The following ATF7IP2 variants were observed in gnomAD, a reference collection of about 807,000 sequenced individuals.
The protein encoded by ATF7IP2 is activating transcription factor 7-interacting protein 2.
Under a neutral mutation model 64.2 loss-of-function variants are expected in ATF7IP2, and 42 were observed. The observed-to-expected ratio is 0.65, with a 90% confidence interval of 0.51 to 0.85. The LOEUF is 0.85. Among genes scored for constraint, ATF7IP2 ranks in the 40% least tolerant of loss-of-function variants. ATF7IP2 has a pLI of 0.00. For missense variants in ATF7IP2, 933 were observed against 784.2 expected (o/e 1.19, Z -2.27); for synonymous variants, 308 against 272.8 (o/e 1.13, Z -1.27).
intron 8 of ATF7IP2, among the ~76,000 whole-genome samples, chr16:10,444,173 A>G (rs2048724670): frequency 6.6e-6 from 1 of 152,240 alleles, no homozygotes; most frequent in African/African-American, 2.4e-5. Flanking sequence ...ATCAGGTTAC[A>G]TTGATAAAAT....
intron 1 of ATF7IP2, among the ~76,000 whole-genome samples, chr16:10,400,607 T>C (rs568349453): frequency 6.6e-5 from 10 of 152,216 alleles, no homozygotes; most frequent in Non-Finnish European, 5.9e-5. Context: ...CTTGATTTAG[T>C]ATGATTTTGG....
chr16:10,397,520 A>T (rs1433555824), intron 1 of ATF7IP2, among the ~76,000 whole-genome samples: 1 of 152,200 alleles, frequency 6.6e-6, no homozygotes, highest in Non-Finnish European at 1.5e-5. Context: ...CAAGAGTTTG[A>T]GGTTACAGTG....
At position 10,431,390 on chromosome 16, in the gene ATF7IP2, C is replaced by T. The variant is rs753285533; in HGVS notation, c.770C>T (p.Thr257Ile). The change falls in exon 5 of 14, where the codon ACC becomes ATC. Residue 257 changes from threonine (T) to isoleucine (I), a missense_variant. Coordinates refer to ENST00000562102, the MANE Select transcript of ATF7IP2 (RefSeq NM_001393719.1). ...DILKTDECSRTSISNCESADS... is the reference protein window; with the variant it reads ...DILKTDECSRISISNCESADS... ...TTGAAAACTGATGAGTGTAGTAGAA[C>T]CAGTATTTCAAATTGTGAAAGTGCA... is the stretch of plus-strand genomic sequence containing the variant. The T allele has an allele frequency of 3.1e-6, 5 of 1,612,500 alleles. No homozygotes were observed. The highest frequency in any genetic ancestry group is 1.3e-5 in the African/African-American group (1 of 74,996).
At chr16:10,433,416 C>A (rs1379373375) in intron 5 of ATF7IP2, 109 bp from the exon 6 acceptor site, 15 of 1,003,064 alleles carry the variant, frequency 1.5e-5, no homozygotes, top group Non-Finnish European at 2.2e-5. Flanking sequence ...CTTAAGCCAC[C>A]CTCCCTCCTT....
At chr16:10,438,078 T>C in intron 6 of ATF7IP2, 23 bp from the exon 7 acceptor site, 3 of 1,512,966 alleles carry the variant, frequency 2.0e-6, no homozygotes, top group Non-Finnish European at 2.6e-6. Flanking sequence ...TAGGGTGTTT[T>C]GGTTTTTATT....
chr16:10,410,533 CT>C (rs1343632167), intron 1 of ATF7IP2, among the ~76,000 whole-genome samples: 1 of 152,058 alleles, frequency 6.6e-6, no homozygotes, highest in Non-Finnish European at 1.5e-5. Context: ...TTTTGGAGGA[CT>C]CTTTAGGGTT....
At chr16:10,458,463 T>C (rs1004460924) in intron 9 of ATF7IP2, among the ~76,000 whole-genome samples, 1 of 152,250 alleles carries the variant, frequency 6.6e-6, no homozygotes, top group Non-Finnish European at 1.5e-5. Context: ...ATGGTTTGTG[T>C]CTTTTATATG....
intron 7 of ATF7IP2, 80 bp from the exon 8 acceptor site, chr16:10,440,284 T>C: frequency 1.6e-6 from 1 of 641,438 alleles, no homozygotes; most frequent in South Asian, 2.8e-5. Flanking sequence ...AAAACTACTT[T>C]GGCAAATAAT....
At chr16:10,415,814 A>G (rs924866415) in intron 2 of ATF7IP2, among the ~76,000 whole-genome samples, 3 of 152,258 alleles carry the variant, frequency 2.0e-5, no homozygotes, top group African/African-American at 4.8e-5. Flanking sequence ...ACATTTCTCA[A>G]AAGGAGAGAT....
At chr16:10,426,676 T>A (rs182640340) in intron 3 of ATF7IP2, among the ~76,000 whole-genome samples, 93 of 152,272 alleles carry the variant, frequency 6.1e-4, no homozygotes, top group African/African-American at 1.9e-3. Context: ...GCTTCACTAT[T>A]TCACACAACA....
At chr16:10,474,964 T>G (rs1212700274) in intron 12 of ATF7IP2, among the ~76,000 whole-genome samples, 1 of 152,184 alleles carries the variant, frequency 6.6e-6, no homozygotes, top group East Asian at 1.9e-4. Context: ...GGAGGATGGC[T>G]TGAGGCCAGC....
At chr16:10,424,956 A>T (rs1343429675) in intron 3 of ATF7IP2, among the ~76,000 whole-genome samples, 3 of 152,188 alleles carry the variant, frequency 2.0e-5, no homozygotes, top group African/African-American at 7.2e-5. Context: ...ATCTAGAGTT[A>T]CCACATGACC....
At chr16:10,406,743 A>G (rs907349598) in intron 1 of ATF7IP2, among the ~76,000 whole-genome samples, 1 of 152,196 alleles carries the variant, frequency 6.6e-6, no homozygotes, top group African/African-American at 2.4e-5. Context: ...CAGACCAGTA[A>G]AAAGTAATGA....
chr16:10,450,369 T>C (rs2048945403), intron 8 of ATF7IP2, among the ~76,000 whole-genome samples: 1 of 152,194 alleles, frequency 6.6e-6, no homozygotes, highest in East Asian at 1.9e-4. Flanking sequence ...CTGAGTATCC[T>C]TGCTAATTTT....
chr16:10,386,146 C>A (rs1383428298), intron 1 of ATF7IP2, 24 bp downstream of exon 1: 3 of 152,446 alleles, frequency 2.0e-5, no homozygotes, highest in African/African-American at 7.2e-5. Flanking sequence ...GGGCGAGTGT[C>A]CTGCGAGAGC....
chr16:10,448,208 T>G (rs1031436874), intron 8 of ATF7IP2: 2 of 152,240 alleles, frequency 1.3e-5, no homozygotes, highest in African/African-American at 4.8e-5. Flanking sequence ...GGTAGTGTGA[T>G]GCCTCCAGCT....
At chr16:10,433,457 G>C (rs2141889324) in intron 5 of ATF7IP2, 68 bp from the exon 6 acceptor site, 5 of 1,443,400 alleles carry the variant, frequency 3.5e-6, no homozygotes, top group East Asian at 2.3e-5. Flanking sequence ...TTACAGACAT[G>C]AGCCACCACA....
intron 8 of ATF7IP2, among the ~76,000 whole-genome samples, chr16:10,456,131 G>A (rs893099180): frequency 5.9e-5 from 9 of 151,918 alleles, no homozygotes; most frequent in African/African-American, 9.7e-5. Context: ...CGGGGTGTAT[G>A]AGGTTTCTAA....
intron 8 of ATF7IP2, among the ~76,000 whole-genome samples, chr16:10,453,123 A>G (rs1312075067): frequency 6.6e-6 from 1 of 152,120 alleles, no homozygotes; most frequent in Non-Finnish European, 1.5e-5. Context: ...TCTAGGCACC[A>G]CTAGGGTATG....
Sources: gnomAD v4.1 joint callset for allele counts (sites outside exome capture counted in the v4.1 genomes callset) on GRCh38, gnomAD v4.1.1 for gene constraint, MANE v1.5 for transcripts, NCBI Gene and HGNC (gene_info 2026-07-23, HGNC 2026-07-21) for gene names.